MAST4: variants seen among roughly 807,000 people sequenced by gnomAD.
MAST4 encodes microtubule-associated serine/threonine-protein kinase 4.
A neutral mutation model predicts 162.7 loss-of-function variants in MAST4; 89 were observed. The ratio of observed to expected loss-of-function variants is 0.55; its 90% CI spans 0.46 to 0.65. The LOEUF (loss-of-function observed/expected upper bound fraction) is 0.65, where lower values mean the gene tolerates loss of function less well. Ranked by LOEUF, MAST4 falls within the 30% of genes least tolerant of loss-of-function variation. The pLI is 0.00. For synonymous variants in MAST4, 1,479 were observed against 1,361.1 expected, an observed-to-expected ratio of 1.09 and a Z score of -1.91; for missense variants, 3,153 against 3,374.0, an observed-to-expected ratio of 0.93 and a Z score of 1.62.
chr5:67,063,970 A>G (rs1167883044), intron 5 of MAST4, among the ~76,000 whole-genome samples: 3 of 152,214 alleles, frequency 2.0e-5, no homozygotes, highest in Admixed American at 1.3e-4. Flanking sequence ...GTCATACTTA[A>G]GAGTTCACTT....
At chr5:67,103,445 G>A (rs954037586) in intron 9 of MAST4, among the ~76,000 whole-genome samples, 16 of 152,224 alleles carry the variant, frequency 1.1e-4, no homozygotes, top group African/African-American at 3.6e-4. Flanking sequence ...TTTATCACAT[G>A]TCACTTGCTC....
At chr5:66,698,613 C>T (rs1561270341) in intron 1 of MAST4, among the ~76,000 whole-genome samples, 2 of 152,164 alleles carry the variant, frequency 1.3e-5, no homozygotes, top group Non-Finnish European at 2.9e-5. Flanking sequence ...AGGAGTGTCT[C>T]CTGTATCTCT....
chr5:67,159,916 G>C (rs1374103443), intron 26 of MAST4, among the ~76,000 whole-genome samples: 1 of 152,100 alleles, frequency 6.6e-6, no homozygotes, highest in African/African-American at 2.4e-5. Flanking sequence ...AAAAATAAAA[G>C]TCTCATTCGG....
intron 11 of MAST4, among the ~76,000 whole-genome samples, chr5:67,111,127 T>C (rs540188118): frequency 6.6e-6 from 1 of 152,346 alleles, no homozygotes; most frequent in South Asian, 2.1e-4. Context: ...AGGTTTCAGT[T>C]AAAACTGTGA....
chr5:67,037,784 A>G (rs906355191), intron 4 of MAST4, among the ~76,000 whole-genome samples: 4 of 152,162 alleles, frequency 2.6e-5, no homozygotes, highest in African/African-American at 9.7e-5. Context: ...AACAAGAGCC[A>G]GGAGAATTTG....
chr5:66,696,477 C>A (rs913132855), intron 1 of MAST4, among the ~76,000 whole-genome samples: 1 of 152,156 alleles, frequency 6.6e-6, no homozygotes, highest in Non-Finnish European at 1.5e-5. Flanking sequence ...TCCTTCCTCC[C>A]TCACCTTTCA....
intron 14 of MAST4, among the ~76,000 whole-genome samples, chr5:67,128,340 C>A (rs1482251632): frequency 6.6e-6 from 1 of 152,060 alleles, no homozygotes; most frequent in Non-Finnish European, 1.5e-5. Flanking sequence ...TGCTGGGCAC[C>A]CAGCTGGCTG....
intron 7 of MAST4, among the ~76,000 whole-genome samples, chr5:67,097,529 C>CCT (rs892972053): frequency 6.6e-6 from 1 of 151,976 alleles, no homozygotes; most frequent in African/African-American, 2.4e-5. Context: ...TTCAGATAAA[C>CCT]CTTGTAATTA....
chr5:67,017,583 T>A (rs1306089154), intron 4 of MAST4, among the ~76,000 whole-genome samples: 1 of 151,668 alleles, frequency 6.6e-6, no homozygotes, highest in Non-Finnish European at 1.5e-5. Flanking sequence ...TATAGAGTAT[T>A]TCTTTCTTTC....
rs116044739 is a variant in MAST4, at chr5:67,031,076, A to G, written c.675-23328A>G. The stretch of plus-strand genomic sequence containing the variant: ...CTTCCACATAGGATATTTTTTTCCT[A>G]TGTGAAAAAAGCATTTACTTTCATC... On this transcript the variant is annotated intron_variant, in intron 4 of 28. Transcript: ENST00000403625. Among the ~76,000 whole-genome samples, 882 of 152,252 alleles carry G rather than the reference A, an allele frequency of 5.8e-3. 6 individuals are homozygous for G. Among genetic ancestry groups the G allele is most frequent in the South Asian group, 0.035 (170 of 4,826 alleles).
At chr5:67,162,232 T>C (rs960414621) in intron 27 of MAST4, among the ~76,000 whole-genome samples, 1 of 152,240 alleles carries the variant, frequency 6.6e-6, no homozygotes, top group African/African-American at 2.4e-5. Flanking sequence ...AGGTTTACTT[T>C]GTATTATCTC....
chr5:67,051,541 G>A (rs563304330), intron 4 of MAST4, among the ~76,000 whole-genome samples: 5 of 152,246 alleles, frequency 3.3e-5, no homozygotes, highest in African/African-American at 1.2e-4. Context: ...TTCATTTATT[G>A]GGAATCAGGT....
At chr5:66,797,283 A>C in intron 3 of MAST4, among the ~76,000 whole-genome samples, 1 of 152,220 alleles carries the variant, frequency 6.6e-6, no homozygotes, top group East Asian at 1.9e-4. Flanking sequence ...CTTGGGAAAA[A>C]TGAAAAATTA....
intron 1 of MAST4, among the ~76,000 whole-genome samples, chr5:66,698,037 G>T (rs1749519269): frequency 6.6e-6 from 1 of 151,352 alleles, no homozygotes; most frequent in Non-Finnish European, 1.5e-5. Context: ...TTCTCCTTGG[G>T]AACCTCTGCT....
chr5:66,649,300 T>C (rs780619526), intron 1 of MAST4, among the ~76,000 whole-genome samples: 18 of 152,154 alleles, frequency 1.2e-4, no homozygotes, highest in Admixed American at 2.6e-4. Flanking sequence ...AAGCATCAAA[T>C]GAGAGGTGAG....
chr5:67,158,884 A>G (rs1177965227), intron 26 of MAST4, among the ~76,000 whole-genome samples: 3 of 152,102 alleles, frequency 2.0e-5, no homozygotes, highest in African/African-American at 7.2e-5. Flanking sequence ...AAAATACAAA[A>G]TTAGCCAGGC....
At chr5:66,637,263 A>G (rs1302351616) in intron 1 of MAST4, among the ~76,000 whole-genome samples, 3 of 147,318 alleles carry the variant, frequency 2.0e-5, no homozygotes, top group Admixed American at 6.8e-5. Flanking sequence ...TTAATGTTGC[A>G]GTTGCAAACC....
intron 1 of MAST4, among the ~76,000 whole-genome samples, chr5:66,649,322 A>G (rs1418509589): frequency 6.6e-6 from 1 of 152,178 alleles, no homozygotes; most frequent in East Asian, 1.9e-4. Context: ...AAAATTGTGT[A>G]ATCAGTGCCT....
At position 66,646,825 on chromosome 5, in the gene MAST4, A is replaced by C. The variant is rs1372102718; in HGVS notation, c.363+49807A>C. Among the ~76,000 whole-genome samples the C allele has an allele frequency of 2.0e-5, 3 of 152,206 alleles. No homozygotes were observed. In the East Asian group the frequency reaches 5.8e-4, roughly 29 times the overall value. On this transcript the variant is annotated intron_variant, in intron 1 of 28. Coordinates refer to ENST00000403625, the MANE Select transcript of MAST4 (RefSeq NM_001164664.2). Reference sequence around the variant, plus strand: ...CCCAAGCAGCTCCGCTCGCTGACAGAAGCAAATGTCAGATTCAAGATAGAC... The same window carrying C: ...CCCAAGCAGCTCCGCTCGCTGACAGCAGCAAATGTCAGATTCAAGATAGAC...
Sources: gnomAD v4.1 joint callset for allele counts (sites outside exome capture counted in the v4.1 genomes callset) on GRCh38, gnomAD v4.1.1 for gene constraint, MANE v1.5 for transcripts, NCBI Gene and HGNC (gene_info 2026-07-23, HGNC 2026-07-21) for gene names.